ADAMTS2: variants seen among roughly 807,000 people sequenced by gnomAD.
The protein encoded by ADAMTS2 is ADAM metallopeptidase with thrombospondin type 1 motif 2.
In ADAMTS2, 50 loss-of-function variants were observed where a neutral mutation model predicts 123.0. The ratio of observed to expected loss-of-function variants is 0.41; its 90% CI spans 0.32 to 0.51. The LOEUF is 0.51. Ranked by LOEUF, ADAMTS2 falls within the 20% of genes least tolerant of loss-of-function variation. The pLI is 0.35. For synonymous variants in ADAMTS2, 678 were observed against 695.4 expected, an observed-to-expected ratio of 0.98 and a Z score of 0.39; for missense variants, 1,494 against 1,705.2, an observed-to-expected ratio of 0.88 and a Z score of 2.18.
At chr5:179,141,030 G>T (rs1028084614) in intron 10 of ADAMTS2, among the ~76,000 whole-genome samples, 2 of 151,282 alleles carry the variant, frequency 1.3e-5, no homozygotes, top group African/African-American at 2.4e-5. Context: ...GGCCAGGCTG[G>T]TCTCGAACTC....
intron 10 of ADAMTS2, among the ~76,000 whole-genome samples, chr5:179,144,941 G>C (rs1200353150): frequency 2.6e-5 from 4 of 152,164 alleles, no homozygotes; most frequent in Non-Finnish European, 5.9e-5. Flanking sequence ...AAAGTGAAAA[G>C]ACAACCCACA....
rs767485549 is a variant in ADAMTS2, at chr5:179,158,859, G to A, written c.996C>T (p.Ile332=). 6.8e-6 allele frequency: 11 copies of A among 1,614,026 alleles called. No individual in the cohort carries two copies. The highest frequency in any genetic ancestry group is 1.3e-5 in the African/African-American group (1 of 74,946). Reference sequence around the variant, plus strand: ...TCTCCAGGCTCTGAGAGGGGTTCCCGATCTCGATGAGGCTCATGGACTGCA... The same window carrying A: ...TCTCCAGGCTCTGAGAGGGGTTCCCAATCTCGATGAGGCTCATGGACTGCA... ...SYGKSMSLIE[I]GNPSQSLENV... The change falls in exon 6 of 22, where the codon ATC becomes ATT. Residue 332 remains isoleucine, a synonymous_variant. Coordinates refer to ENST00000251582, the MANE Select transcript of ADAMTS2 (RefSeq NM_014244.5). This position sits in a 1 kb window ranked among gnomAD's most constrained non-coding sequence, Gnocchi z 5.0.
chr5:179,297,547 C>A (rs1046317026), intron 2 of ADAMTS2, among the ~76,000 whole-genome samples: 1 of 152,074 alleles, frequency 6.6e-6, no homozygotes, highest in Non-Finnish European at 1.5e-5. Flanking sequence ...GTTCCCTTCC[C>A]CAATACGCTG....
In ADAMTS2 at chr5:179,314,719, T is replaced by G. The variant is rs767440862; in HGVS notation, c.534+29048A>C. Among the ~76,000 whole-genome samples the G allele has an allele frequency of 6.6e-6, 1 of 152,130 alleles. No individual in the cohort carries two copies. The highest frequency in any genetic ancestry group is 2.4e-5 in the African/African-American group (1 of 41,424). On this transcript the variant is annotated intron_variant, in intron 2 of 21. Transcript: ENST00000251582. This position sits in a 1 kb window ranked among gnomAD's most constrained non-coding sequence, Gnocchi z 4.5. The stretch of plus-strand genomic sequence containing the variant: ...GCTTCCACGCTCTTCCACCAAGCCC[T>G]TGTAGCCTTCCTGCACCCAGGTGGG...
chr5:179,130,234 CTG>C lies in ADAMTS2; in HGVS notation c.2291-138_2291-137del, dbSNP rs1228028484. 9.7e-5 allele frequency: 107 copies of C among 1,103,866 alleles called. No individual in the cohort carries two copies. The East Asian group carries it at 1.7e-3, about 17-fold the overall frequency. The allele number at this position is 1,103,866 out of a possible 1,614,324, so 68.4% of individuals were successfully genotyped here. A position where few individuals can be genotyped will look rare whatever the true frequency, so the allele number is the denominator to read the frequency against. ...TCTGGCTGCCCCCGGCCAGTTTCCT[CTG>C]TGCCACGACAGCCCAGATGGCTCTG... On this transcript the variant is annotated intron_variant, in intron 15 of 21. Coordinates refer to ENST00000251582, the MANE Select transcript of ADAMTS2 (RefSeq NM_014244.5). This position sits in a 1 kb window ranked among gnomAD's most constrained non-coding sequence, Gnocchi z 4.3.
In ADAMTS2 at chr5:179,207,627, C is replaced by A. The variant is rs535903228; in HGVS notation, c.777G>T (p.Arg259Ser). ...TGTTGTAGTCATCGTCCGCAGCATG[C>A]CTGCGTGCCCTCCGCCTCGAGCTGT... is the stretch of plus-strand genomic sequence containing the variant. ...HANSSRRRARRHAADDDYNIE... is the reference protein window; with the variant it reads ...HANSSRRRARSHAADDDYNIE... Residue 259 changes from arginine to serine, a missense_variant, in exon 4 of 22, where the codon AGG (arginine) becomes AGT (serine). By Grantham distance (110) the Arg-to-Ser change is moderately radical. Coordinates refer to ENST00000251582, the MANE Select transcript of ADAMTS2 (RefSeq NM_014244.5). 3 of 1,613,832 alleles carry A rather than the reference C, an allele frequency of 1.9e-6. No individual in the cohort carries two copies. In the South Asian group the frequency reaches 3.3e-5, roughly 18 times the overall value.
At chr5:179,150,093 C>CCA (rs1240072507) in intron 10 of ADAMTS2, among the ~76,000 whole-genome samples, 2 of 151,950 alleles carry the variant, frequency 1.3e-5, no homozygotes, top group Admixed American at 6.5e-5. Flanking sequence ...TGCAGGCCAG[C>CCA]CACACACACA....
At chr5:179,147,802 AGGAGGGGAAGTGTATCAGTGGCACCCACG>A (rs1763278863) in intron 10 of ADAMTS2, among the ~76,000 whole-genome samples, 3 of 152,188 alleles carry the variant, frequency 2.0e-5, no homozygotes, top group Non-Finnish European at 4.4e-5. Context: ...TGGCACCCAC[AGGAGGGGAAGTGTATCAGTGGCACCCACG>A]GGAGGAGAAT....
intron 2 of ADAMTS2, among the ~76,000 whole-genome samples, chr5:179,320,456 C>T (rs1757134546): frequency 6.6e-6 from 1 of 151,732 alleles, no homozygotes; most frequent in Non-Finnish European, 1.5e-5. Flanking sequence ...TACAGGTGTC[C>T]ACCACTACGC....
rs143989886 is a variant in ADAMTS2 at position 179,337,806 on chromosome 5, G to A, written c.534+5961C>T. ...CCTTACTCACCCAGGTGTGGCCCCT[G>A]TGAGCCTCACAGCAGGCCTGGGTGA... On this transcript the variant is annotated intron_variant, in intron 2 of 21. Coordinates refer to ENST00000251582, the MANE Select transcript of ADAMTS2 (RefSeq NM_014244.5). 1.7e-3 allele frequency among the ~76,000 whole-genome samples: 264 copies of A among 150,878 alleles called. 3 individuals are homozygous for A. Among genetic ancestry groups the A allele is most frequent in the African/African-American group, 6.3e-3 (258 of 40,690 alleles).
rs202070842 is a variant in ADAMTS2, at chr5:179,314,694, GCT to G, written c.534+29071_534+29072del. ...GAATTACAAGCCCCTGATTCTGGGG[GCT>G]TCCACGCTCTTCCACCAAGCCCTTG... On this transcript the variant is annotated intron_variant, in intron 2 of 21. Transcript: ENST00000251582. The surrounding 1 kb of genome is among the most constrained non-coding windows in gnomAD (Gnocchi z 4.5). 0.023 allele frequency among the ~76,000 whole-genome samples: 3,524 copies of G among 152,130 alleles called. 125 individuals carry two copies. The highest frequency in any genetic ancestry group is 0.08 in the African/African-American group (3,318 of 41,494).
At chr5:179,168,061 G>A (rs1248356777) in intron 5 of ADAMTS2, among the ~76,000 whole-genome samples, 1 of 152,244 alleles carries the variant, frequency 6.6e-6, no homozygotes. Flanking sequence ...ACAGCAGGGA[G>A]GTTGGGTTCT....
intron 4 of ADAMTS2, among the ~76,000 whole-genome samples, chr5:179,199,667 G>A (rs1764516762): frequency 6.6e-6 from 1 of 152,178 alleles, no homozygotes; most frequent in Non-Finnish European, 1.5e-5. Context: ...TACCTGAGGA[G>A]CCTCCCCTCG....
intron 3 of ADAMTS2, among the ~76,000 whole-genome samples, chr5:179,251,903 T>C (rs2113470252): frequency 6.6e-6 from 1 of 152,096 alleles, no homozygotes; most frequent in Non-Finnish European, 1.5e-5. Flanking sequence ...TGACTTATCT[T>C]GAAAAACTGA....
At chr5:179,126,654 C>T (rs1050244338) in intron 17 of ADAMTS2, among the ~76,000 whole-genome samples, 12 of 152,370 alleles carry the variant, frequency 7.9e-5, no homozygotes, top group Non-Finnish European at 1.3e-4. Context: ...TGCTGCTTGA[C>T]ACCCCACCGT....
At chr5:179,297,493 C>T (rs1300227978) in intron 2 of ADAMTS2, among the ~76,000 whole-genome samples, 9 of 152,070 alleles carry the variant, frequency 5.9e-5, no homozygotes, top group African/African-American at 1.9e-4. Flanking sequence ...CTAGTACTGT[C>T]CAGCCAGAAG....
At position 179,113,853 on chromosome 5, in the gene ADAMTS2, A is replaced by C. The variant is rs542544708; in HGVS notation, c.*14T>G. ...GCAAGAAAAAAATGCTAGGGATGCT[A>C]TCTTTCCATTTTATTAGAACTTTCC... On this transcript the variant is annotated 3_prime_UTR_variant, in exon 22 of 22. Transcript: ENST00000251582. 1.2e-5 allele frequency: 20 copies of C among 1,611,972 alleles called. No homozygotes were observed. The South Asian group carries it at 2.2e-4, about 18-fold the overall frequency.
At chr5:179,261,684 C>G (rs1766228695) in intron 3 of ADAMTS2, among the ~76,000 whole-genome samples, 1 of 152,218 alleles carries the variant, frequency 6.6e-6, no homozygotes, top group African/African-American at 2.4e-5. Flanking sequence ...TGCCTGCGGC[C>G]CCTTGGGGTG....
intron 3 of ADAMTS2, among the ~76,000 whole-genome samples, chr5:179,250,001 T>C (rs539066258): frequency 6.6e-6 from 1 of 152,324 alleles, no homozygotes; most frequent in South Asian, 2.1e-4. Context: ...AATCACCAAG[T>C]GGGATTTATC....
Sources: gnomAD v4.1 joint callset for allele counts (sites outside exome capture counted in the v4.1 genomes callset) on GRCh38, gnomAD v4.1.1 for gene constraint, Gnocchi (gnomAD v3.1) non-coding constraint, MANE v1.5 for transcripts, NCBI Gene and HGNC (gene_info 2026-07-23, HGNC 2026-07-21) for gene names.